Variants in SLC38A6 observed in about 807,000 individuals in gnomAD.
The protein encoded by SLC38A6 is solute carrier family 38 member 6, also known as N system amino acid transporter NAT-1.
SLC38A6 carries 73 observed loss-of-function variants against 65.0 expected under a neutral mutation model. The ratio of observed to expected loss-of-function variants is 1.12; its 90% CI spans 0.93 to 1.37. SLC38A6 has a LOEUF of 1.37. SLC38A6 is among the 40% of genes most tolerant of loss of function. The pLI is 0.00. For missense variants in SLC38A6, 561 were observed against 531.1 expected, an observed-to-expected ratio of 1.06 and a Z score of -0.55; for synonymous variants, 183 against 178.8, an observed-to-expected ratio of 1.02 and a Z score of -0.19.
At position 61,052,394 on chromosome 14, in the gene SLC38A6, T is replaced by A. The variant is rs771876872; in HGVS notation, c.1336T>A (p.Leu446Ile). ...IFGILVGNFS[L>I]ALIIFDWINK is the part of the protein sequence containing the mutation. ...TGGAATTTTGGTTGGGAATTTTAGTTTAGCACTCATCATTTTTGATTGGAT... is the reference window on the plus strand; with the variant it reads ...TGGAATTTTGGTTGGGAATTTTAGTATAGCACTCATCATTTTTGATTGGAT... The change falls in exon 16 of 16, where the codon TTA becomes ATA. Residue 446 changes from leucine to isoleucine, a missense_variant. By Grantham distance (5) the Leu-to-Ile change is conservative. Coordinates refer to ENST00000267488, the MANE Select transcript of SLC38A6 (RefSeq NM_153811.3). The A allele has an allele frequency of 6.3e-7, 1 of 1,587,432 alleles. No individual in the cohort carries two copies. Among genetic ancestry groups the A allele is most frequent in the Admixed American group, 1.8e-5 (1 of 56,282 alleles).
intron 15 of SLC38A6, among the ~76,000 whole-genome samples, chr14:61,066,412 G>A (rs1255302645): frequency 6.6e-6 from 1 of 152,100 alleles, no homozygotes; most frequent in African/African-American, 2.4e-5. Flanking sequence ...GGAACAGGAA[G>A]ACTCATCTTG....
intron 3 of SLC38A6, among the ~76,000 whole-genome samples, chr14:60,997,760 G>A (rs2038397789): frequency 6.6e-6 from 1 of 152,214 alleles, no homozygotes; most frequent in Non-Finnish European, 1.5e-5. Flanking sequence ...CTGAGTAAAT[G>A]TGGACAATAA....
At chr14:60,983,183 T>G (rs1281972405) in intron 2 of SLC38A6, among the ~76,000 whole-genome samples, 1 of 152,190 alleles carries the variant, frequency 6.6e-6, no homozygotes, top group Non-Finnish European at 1.5e-5. Context: ...TTCATTCTGT[T>G]ATTATAATTG....
intron 3 of SLC38A6, among the ~76,000 whole-genome samples, chr14:61,001,170 T>TG: frequency 6.6e-6 from 1 of 152,146 alleles, no homozygotes; most frequent in Middle Eastern, 3.4e-3. Flanking sequence ...AGCCGGGGAT[T>TG]GGGGAGGGCA....
chr14:61,006,209 T>C (rs926168068), intron 3 of SLC38A6, among the ~76,000 whole-genome samples: 4 of 152,172 alleles, frequency 2.6e-5, no homozygotes, highest in African/African-American at 7.2e-5. Context: ...ACATTAGATC[T>C]AAAACCATAA....
At chr14:61,055,048 T>C (rs1038153728), downstream of SLC38A6, among the ~76,000 whole-genome samples, 1 of 151,520 alleles carries the variant, frequency 6.6e-6, no homozygotes, top group Non-Finnish European at 1.5e-5. Context: ...AATACCTAGT[T>C]TGTTGAGAGT....
intron 16 of SLC38A6, among the ~76,000 whole-genome samples, chr14:61,081,966 GC>G (rs1474317724): frequency 2.0e-5 from 3 of 152,136 alleles, no homozygotes; most frequent in African/African-American, 7.2e-5. Flanking sequence ...GGAGAGACAG[GC>G]TGTGCCTCAG....
At chr14:60,982,394 C>A in intron 1 of SLC38A6, 114 bp from the exon 2 acceptor site, 1 of 1,406,058 alleles carries the variant, frequency 7.1e-7, no homozygotes, top group Non-Finnish European at 9.9e-7. Flanking sequence ...GTGTGTCATA[C>A]AAACCCTGGT....
chr14:61,034,305 G>A (rs2041197954), intron 6 of SLC38A6: 1 of 152,032 alleles, frequency 6.6e-6, no homozygotes, highest in African/African-American at 2.4e-5. Context: ...TACAACTTTA[G>A]CTTCGTGACA....
chr14:60,996,440 A>G (rs1402247544), intron 3 of SLC38A6, among the ~76,000 whole-genome samples: 2 of 152,094 alleles, frequency 1.3e-5, no homozygotes, highest in South Asian at 2.1e-4. Flanking sequence ...CTGGGGGTGG[A>G]AAAAAAGAGA....
chr14:61,037,584 T>C (rs1217515891), intron 7 of SLC38A6, 41 bp from the exon 8 acceptor site: 1 of 1,427,198 alleles, frequency 7.0e-7, no homozygotes, highest in Non-Finnish European at 9.7e-7. Flanking sequence ...TTAAAATCGC[T>C]TTCCTTATAA....
At chr14:61,063,889 C>T (rs1321203046) in intron 15 of SLC38A6, among the ~76,000 whole-genome samples, 1 of 152,184 alleles carries the variant, frequency 6.6e-6, no homozygotes, top group African/African-American at 2.4e-5. Context: ...GAATTAAATG[C>T]TCTGTATAAA....
intron 10 of SLC38A6, among the ~76,000 whole-genome samples, chr14:61,043,882 T>A (rs887097585): frequency 6.6e-6 from 1 of 152,130 alleles, no homozygotes; most frequent in African/African-American, 2.4e-5. Flanking sequence ...ACTCTTCCCC[T>A]GTGAGTAGAA....
intron 15 of SLC38A6, among the ~76,000 whole-genome samples, chr14:61,063,185 G>A (rs999152949): frequency 1.4e-4 from 21 of 152,038 alleles, no homozygotes; most frequent in African/African-American, 4.6e-4. Flanking sequence ...TTTTAATTTT[G>A]TTAGCATCAG....
chr14:61,042,577 T>C (rs919358924), intron 8 of SLC38A6, among the ~76,000 whole-genome samples: 5 of 152,182 alleles, frequency 3.3e-5, no homozygotes, highest in African/African-American at 1.2e-4. Flanking sequence ...TTGTTTGTTT[T>C]TACCAGCTGG....
At chr14:61,053,263 C>T (rs2042596002), downstream of SLC38A6, among the ~76,000 whole-genome samples, 2 of 151,972 alleles carry the variant, frequency 1.3e-5, no homozygotes, top group Admixed American at 1.3e-4. Context: ...TTTTCTTTAT[C>T]CAGTCTGTCA....
intron 3 of SLC38A6, chr14:61,002,057 C>G (rs1403154639): frequency 1.3e-5 from 2 of 151,962 alleles, no homozygotes; most frequent in Non-Finnish European, 2.9e-5. Context: ...AAACTATTAC[C>G]ATTTATAGGA....
intron 3 of SLC38A6, among the ~76,000 whole-genome samples, chr14:61,015,116 C>G (rs907138106): frequency 3.9e-5 from 6 of 152,208 alleles, no homozygotes; most frequent in Non-Finnish European, 1.5e-5. Context: ...TGCAGCCTTG[C>G]AGTTTGATCT....
intron 15 of SLC38A6, among the ~76,000 whole-genome samples, chr14:61,075,775 GT>G (rs1204440791): frequency 1.1e-3 from 133 of 120,268 alleles, no homozygotes; most frequent in African/African-American, 4.0e-3. Context: ...AGATCAACCT[GT>G]TTGTGTGTGT....
Sources: allele counts gnomAD v4.1 joint callset (sites outside exome capture counted in the v4.1 genomes callset), GRCh38; gene constraint gnomAD v4.1.1; transcripts MANE v1.5; gene names NCBI Gene and HGNC (gene_info 2026-07-23, HGNC 2026-07-21).